OSM: variants seen among roughly 807,000 people sequenced by gnomAD.
OSM encodes oncostatin-M.
Under a neutral mutation model 6.3 loss-of-function variants are expected in OSM, and 1 was observed. The ratio of observed to expected loss-of-function variants is 0.16; its 90% CI spans 0.06 to 0.76. The LOEUF (loss-of-function observed/expected upper bound fraction) is 0.76, where lower values mean the gene tolerates loss of function less well. Ranked by LOEUF, OSM falls within the 30% of genes least tolerant of loss-of-function variation. The pLI, the probability that OSM is intolerant of heterozygous loss-of-function variation, is 0.77. For synonymous variants in OSM, 135 were observed against 143.4 expected, an observed-to-expected ratio of 0.94 and a Z score of 0.42; for missense variants, 324 against 336.9, an observed-to-expected ratio of 0.96 and a Z score of 0.30.
Position 30,265,096 on chromosome 22 carries a change from A to G in OSM, c.83T>C (p.Ile28Thr), listed in dbSNP as rs1215625526. 6.2e-6 allele frequency: 10 copies of G among 1,614,162 alleles called. No homozygotes were observed. The highest frequency in any genetic ancestry group is 2.2e-5 in the East Asian group (1 of 44,878). ...LFPSMASMAA[I>T]GSCSKEYRVL... ...GCGGTACTCTTTCGAGCAGCTGCCT[A>G]TAGCCGCCATGCTCGCCATGCTTGG... Residue 28 changes from isoleucine (I) to threonine (T), a missense_variant, in exon 2 of 3, where the codon ATA (isoleucine) becomes ACA (threonine). Physicochemically the swap from Ile to Thr is moderately conservative, Grantham distance 89. Transcript: ENST00000215781.
At chr22:30,265,494 G>A (rs980456746) in intron 1 of OSM, 4 of 836,086 alleles carry the variant, frequency 4.8e-6, no homozygotes, top group Non-Finnish European at 6.0e-6. Flanking sequence ...CTGACTCTCT[G>A]CAAGGTGGGA....
Position 30,266,646 on chromosome 22 carries a change from C to T in OSM, c.34+120G>A. On this transcript the variant is annotated intron_variant, in intron 1 of 2. Transcript: ENST00000215781. The surrounding 1 kb of genome is among the most constrained non-coding windows in gnomAD (Gnocchi z 5.0). ...CCTGGCTCTCTCCCCTTCTCAGCATCCTTCTGCCTGGCGCCTGGCCTCCCC... is the reference window on the plus strand; with the variant it reads ...CCTGGCTCTCTCCCCTTCTCAGCATTCTTCTGCCTGGCGCCTGGCCTCCCC... The T allele has an allele frequency of 1.8e-6, 2 of 1,094,232 alleles. No individual in the cohort carries two copies. Among genetic ancestry groups the T allele is most frequent in the Admixed American group, 2.0e-5 (1 of 50,128 alleles). The allele number at this position is 1,094,232 out of a possible 1,614,324, so 67.8% of individuals were successfully genotyped here. A position where few individuals can be genotyped will look rare whatever the true frequency, so the allele number is the denominator to read the frequency against.
chr22:30,265,274 G>C (rs1309087042), intron 1 of OSM, 130 bp from the exon 2 acceptor site: 1 of 1,496,828 alleles, frequency 6.7e-7, no homozygotes, highest in African/African-American at 1.4e-5. Context: ...GGAGGGCGGG[G>C]GCTGGGCACT....
At chr22:30,264,504 T>C (rs1267949803) in intron 2 of OSM, 40 bp from the exon 3 acceptor site, 2 of 1,514,124 alleles carry the variant, frequency 1.3e-6, no homozygotes, top group South Asian at 2.4e-5. Context: ...ATGCTGAGGA[T>C]CCGGACCACA....
chr22:30,263,307 G>A lies in OSM; in HGVS notation c.*576C>T, dbSNP rs1463827251. ...CTGCCCCAGGCCACGTGGCGACTTC[G>A]GGGCTGGCCTGGGACCTGAGCTCCA... On this transcript the variant is annotated 3_prime_UTR_variant, in exon 3 of 3. Coordinates refer to ENST00000215781, the MANE Select transcript of OSM (RefSeq NM_020530.6). 1 of 152,888 alleles carries A rather than the reference G, an allele frequency of 6.5e-6. No homozygotes were observed. The highest frequency in any genetic ancestry group is 1.5e-5 in the Non-Finnish European group (1 of 68,252). 9.5% of individuals were successfully genotyped at this position (152,888 alleles called of 1,614,324 possible).
rs1193911704 is a variant in OSM at position 30,263,768 on chromosome 22, T to C, written c.*115A>G. The C allele has an allele frequency of 7.8e-6, 6 of 766,096 alleles. No individual in the cohort carries two copies. In the East Asian group the frequency reaches 7.9e-5, roughly 10 times the overall value. 47.5% of individuals were successfully genotyped at this position (766,096 alleles called of 1,614,324 possible). A position where few individuals can be genotyped will look rare whatever the true frequency, so the allele number is the denominator to read the frequency against. ...CCACCTCTTAAAGTGCACTTCTCAG[T>C]GGCTAGTAGCAGAGGGGAACAGGTT... On this transcript the variant is annotated 3_prime_UTR_variant, in exon 3 of 3. Coordinates refer to ENST00000215781, the MANE Select transcript of OSM (RefSeq NM_020530.6).
In OSM at chr22:30,264,970, G is replaced by C. The variant is rs767258864; in HGVS notation, c.177+32C>G. ...CCTTCCTAACCCCATAGTTCTCTGA[G>C]ACTCAGATGCCACAAGGGCCCAGGT... is the stretch of plus-strand genomic sequence containing the variant. On this transcript the variant is annotated intron_variant, in intron 2 of 2. Coordinates refer to ENST00000215781, the MANE Select transcript of OSM (RefSeq NM_020530.6). 5 of 1,608,850 alleles carry C rather than the reference G, an allele frequency of 3.1e-6. No homozygotes were observed. The South Asian group carries it at 5.5e-5, about 18-fold the overall frequency.
Position 30,266,759 on chromosome 22 carries a change from T to C in OSM, c.34+7A>G. 3 of 1,612,842 alleles carry C rather than the reference T, an allele frequency of 1.9e-6. No homozygotes were observed. The highest frequency in any genetic ancestry group is 2.5e-6 in the Non-Finnish European group (3 of 1,179,400). On this transcript the variant is annotated splice_region_variant and intron_variant, in intron 1 of 2. Transcript: ENST00000215781. This position sits in a 1 kb window ranked among gnomAD's most constrained non-coding sequence, Gnocchi z 5.0. ...CGGGTTCTGGCGGGGAGGAAGGAAG[T>C]ACTTACTGAGCAGCGTCCTCTGTGT...
chr22:30,266,737 G>T lies in OSM; in HGVS notation c.34+29C>A. The T allele has an allele frequency of 6.2e-7, 1 of 1,612,710 alleles. No homozygotes were observed. Among genetic ancestry groups the T allele is most frequent in the Non-Finnish European group, 8.5e-7 (1 of 1,179,130 alleles). On this transcript the variant is annotated intron_variant, in intron 1 of 2. Coordinates refer to ENST00000215781, the MANE Select transcript of OSM (RefSeq NM_020530.6). The surrounding 1 kb of genome is among the most constrained non-coding windows in gnomAD (Gnocchi z 5.0). ...ACCCGTGGGCAGACCCAGCAGGCGG[G>T]TTCTGGCGGGGAGGAAGGAAGTACT...
chr22:30,264,449 G>A lies in OSM; in HGVS notation c.193C>T (p.Leu65=), dbSNP rs933316378. 2.5e-6 allele frequency: 4 copies of A among 1,604,704 alleles called. No homozygotes were observed. Among genetic ancestry groups the A allele is most frequent in the South Asian group, 2.2e-5 (2 of 90,834 alleles). Residue 65 remains leucine (L), a synonymous_variant, in exon 3 of 3, where the codon CTG becomes TTG. Transcript: ENST00000215781. ...LLDPYIRIQG[L]DVPKLREHCR... ...TGCTCTCTCAGTTTAGGAACATCCAGGCCTTGGATACGTATCTGGCGGGAA... is the reference window on the plus strand; with the variant it reads ...TGCTCTCTCAGTTTAGGAACATCCAAGCCTTGGATACGTATCTGGCGGGAA...
chr22:30,265,971 G>A (rs986023735), intron 1 of OSM, among the ~76,000 whole-genome samples: 11 of 152,262 alleles, frequency 7.2e-5, no homozygotes, highest in African/African-American at 2.4e-4. Context: ...GCAATGGCCC[G>A]GAAGGCAGTG....
Position 30,263,689 on chromosome 22 carries a change from A to C in OSM, c.*194T>G. 1 of 442,532 alleles carries C rather than the reference A, an allele frequency of 2.3e-6. No homozygotes were observed. Among genetic ancestry groups the C allele is most frequent in the Non-Finnish European group, 3.9e-6 (1 of 255,528 alleles). 27.4% of individuals were successfully genotyped at this position (442,532 alleles called of 1,614,324 possible). On this transcript the variant is annotated 3_prime_UTR_variant, in exon 3 of 3. Transcript: ENST00000215781. Reference sequence around the variant, plus strand: ...GAACTTGGGGCTGAGGTGGGAGCGCAACAGCCTGACTCTGTCTCCCAGCCT... The same window carrying C: ...GAACTTGGGGCTGAGGTGGGAGCGCCACAGCCTGACTCTGTCTCCCAGCCT...
Position 30,264,370 on chromosome 22 carries a change from C to A in OSM, c.272G>T (p.Gly91Val), listed in dbSNP as rs1222184584. Residue 91 changes from glycine (G) to valine (V), a missense_variant, in exon 3 of 3, where the codon GGC becomes GTC. Gly to Val is a moderately radical substitution (Grantham distance 109, BLOSUM62 -3). Transcript: ENST00000215781. ...FPSEETLRGL[G>V]RRGFLQTLNA... Reference sequence around the variant, plus strand: ...GAGGGTCTGCAGGAAGCCCCGCCTGCCCAGCCCCCTCAGGGTCTCCTCACT... The same window carrying A: ...GAGGGTCTGCAGGAAGCCCCGCCTGACCAGCCCCCTCAGGGTCTCCTCACT... 2.5e-6 allele frequency: 4 copies of A among 1,614,002 alleles called. No homozygotes were observed. Among genetic ancestry groups the A allele is most frequent in the South Asian group, 2.2e-5 (2 of 91,084 alleles).
At chr22:30,264,524 A>G in intron 2 of OSM, 60 bp from the exon 3 acceptor site, 20 of 1,424,010 alleles carry the variant, frequency 1.4e-5, no homozygotes, top group Non-Finnish European at 1.9e-5. Context: ...ACTCACAGAC[A>G]AGTAAGCCTT....
At chr22:30,264,916 G>C in intron 2 of OSM, 86 bp downstream of exon 2, 1 of 1,510,246 alleles carries the variant, frequency 6.6e-7, no homozygotes, top group Non-Finnish European at 9.1e-7. Context: ...ATGGAGTGGG[G>C]CTAGGCCTGT....
At chr22:30,264,798 C>T (rs748382393) in intron 2 of OSM, among the ~76,000 whole-genome samples, 19 of 152,276 alleles carry the variant, frequency 1.2e-4, no homozygotes, top group South Asian at 8.3e-4. Flanking sequence ...TGATGGTGTC[C>T]GGAGTCCCGC....
In OSM at chr22:30,264,164, A is replaced by C; in HGVS notation, c.478T>G (p.Ser160Ala). 6.2e-7 allele frequency: 1 copy of C among 1,613,774 alleles called. No individual in the cohort carries two copies. The highest frequency in any genetic ancestry group is 8.5e-7 in the Non-Finnish European group (1 of 1,180,006). The change falls in exon 3 of 3, where the codon TCA (serine) becomes GCA (alanine). Residue 160 changes from serine (S) to alanine (A), a missense_variant. Transcript: ENST00000215781. ...GCCTTCGTGGGCTCAGCCGTGTCTG[A>C]GTTGTCCAGCAGCTGGGCCATGCAG... Reference protein sequence around the residue: ...IYCMAQLLDNSDTAEPTKAGR... With the variant: ...IYCMAQLLDNADTAEPTKAGR...
Position 30,264,188 on chromosome 22 carries a change from A to C in OSM, c.454T>G (p.Cys152Gly), listed in dbSNP as rs201751964. ...GAGTTGTCCAGCAGCTGGGCCATGC[A>C]GTAGATGTTGTTCCTGAGCCCGAGG... is the stretch of plus-strand genomic sequence containing the variant. ...NILGLRNNIY[C>G]MAQLLDNSDT... Residue 152 changes from cysteine to glycine, a missense_variant, in exon 3 of 3, where the codon TGC (cysteine) becomes GGC (glycine). Transcript: ENST00000215781. 3.7e-6 allele frequency: 6 copies of C among 1,613,964 alleles called. No individual in the cohort carries two copies. The highest frequency in any genetic ancestry group is 2.2e-5 in the East Asian group (1 of 44,886).
At position 30,266,373 on chromosome 22, in the gene OSM, GACTTTCTATTCATC is replaced by G. The variant is rs771186419; in HGVS notation, c.34+379_34+392del. On this transcript the variant is annotated intron_variant, in intron 1 of 2. Coordinates refer to ENST00000215781, the MANE Select transcript of OSM (RefSeq NM_020530.6). The surrounding 1 kb of genome is among the most constrained non-coding windows in gnomAD (Gnocchi z 5.0). ...GGCCCTGGGGCCCCCAGGCCTGGCT[GACTTTCTATTCATC>G]CCGGGCAAGCTGGAGGCCCCACAAC... is the stretch of plus-strand genomic sequence containing the variant. Among the ~76,000 whole-genome samples, 1 of 152,054 alleles carries G rather than the reference GACTTTCTATTCATC, an allele frequency of 6.6e-6. No individual in the cohort carries two copies. Among genetic ancestry groups the G allele is most frequent in the Non-Finnish European group, 1.5e-5 (1 of 67,992 alleles).
Sources: gnomAD v4.1 joint callset for allele counts (sites outside exome capture counted in the v4.1 genomes callset) on GRCh38, gnomAD v4.1.1 for gene constraint, Gnocchi (gnomAD v3.1) non-coding constraint, MANE v1.5 for transcripts, NCBI Gene and HGNC (gene_info 2026-07-23, HGNC 2026-07-21) for gene names.